The following CSNK1G1 variants were observed in gnomAD, a reference collection of about 807,000 sequenced individuals.
CSNK1G1 encodes the protein casein kinase 1 gamma 1.
CSNK1G1 carries 22 observed loss-of-function variants against 59.6 expected under a neutral mutation model. The ratio of observed to expected loss-of-function variants is 0.37; its 90% CI spans 0.26 to 0.53. The LOEUF is 0.53. Among genes scored for constraint, CSNK1G1 ranks in the 20% least tolerant of loss-of-function variants. The probability of loss-of-function intolerance (pLI) is 0.89; values close to 1 mark genes in which losing one functional copy is unlikely to be tolerated. For synonymous variants in CSNK1G1, 179 were observed against 177.1 expected (o/e 1.01, Z -0.08); for missense variants, 384 against 519.5 (o/e 0.74, Z 2.54).
At chr15:64,194,541 G>T in intron 10 of CSNK1G1, among the ~76,000 whole-genome samples, 1 of 124,502 alleles carries the variant, frequency 8.0e-6, no homozygotes. Context: ...TTTTGAGACA[G>T]AGTTTTGCTC....
chr15:64,271,138 C>CCA (rs1417181703), intron 2 of CSNK1G1, among the ~76,000 whole-genome samples: 5 of 151,964 alleles, frequency 3.3e-5, no homozygotes, highest in African/African-American at 1.2e-4. Flanking sequence ...CAGGCATGTA[C>CCA]CACCACACCT....
At chr15:64,235,314 G>A (rs1238139392) in intron 4 of CSNK1G1, among the ~76,000 whole-genome samples, 1 of 152,280 alleles carries the variant, frequency 6.6e-6, no homozygotes, top group Middle Eastern at 3.4e-3. Flanking sequence ...ATATATAGCT[G>A]CTCTACCTCC....
At chr15:64,280,986 T>A (rs558876269) in intron 2 of CSNK1G1, among the ~76,000 whole-genome samples, 4 of 152,212 alleles carry the variant, frequency 2.6e-5, no homozygotes, top group Admixed American at 2.6e-4. Context: ...TTCACGCCAT[T>A]ATCCTGCCTC....
intron 10 of CSNK1G1, among the ~76,000 whole-genome samples, chr15:64,202,196 C>T (rs1222593103): frequency 2.0e-5 from 3 of 152,130 alleles, no homozygotes; most frequent in African/African-American, 7.2e-5. Context: ...TCTTGACCAG[C>T]TCTATAATTT....
chr15:64,286,894 T>C (rs1367693584), intron 2 of CSNK1G1, among the ~76,000 whole-genome samples: 1 of 152,184 alleles, frequency 6.6e-6, no homozygotes, highest in Non-Finnish European at 1.5e-5. Context: ...ATGTTGGGGA[T>C]GATCCACCAT....
intron 2 of CSNK1G1, among the ~76,000 whole-genome samples, chr15:64,280,897 T>G (rs1339575070): frequency 6.6e-6 from 1 of 152,082 alleles, no homozygotes; most frequent in Non-Finnish European, 1.5e-5. Flanking sequence ...TTCTTTTTTT[T>G]GAGACAGAGT....
At chr15:64,276,333 T>C (rs534409591) in intron 2 of CSNK1G1, among the ~76,000 whole-genome samples, 5 of 152,230 alleles carry the variant, frequency 3.3e-5, no homozygotes, top group Non-Finnish European at 7.3e-5. Context: ...TTTTGTATTT[T>C]TAAAATTTTT....
intron 1 of CSNK1G1, among the ~76,000 whole-genome samples, chr15:64,343,510 T>C (rs1309826158): frequency 6.6e-6 from 1 of 152,098 alleles, no homozygotes; most frequent in East Asian, 1.9e-4. Flanking sequence ...GATTTTTGAT[T>C]AAGTTTTCCC....
At chr15:64,266,990 C>A (rs1400294529) in intron 2 of CSNK1G1, among the ~76,000 whole-genome samples, 2 of 152,160 alleles carry the variant, frequency 1.3e-5, no homozygotes, top group Non-Finnish European at 2.9e-5. Flanking sequence ...GCAAAGCAGG[C>A]TCATGCCTCT....
intron 1 of CSNK1G1, among the ~76,000 whole-genome samples, chr15:64,350,046 T>C (rs1037942256): frequency 6.6e-6 from 1 of 151,958 alleles, no homozygotes; most frequent in African/African-American, 2.4e-5. Context: ...AAAGAGTAAA[T>C]TTAAGTAAGC....
intron 4 of CSNK1G1, among the ~76,000 whole-genome samples, chr15:64,228,370 G>A (rs566714021): frequency 8.7e-4 from 133 of 152,322 alleles, no homozygotes; most frequent in African/African-American, 3.0e-3. Flanking sequence ...ATTCACACCC[G>A]GGCACGGTGG....
chr15:64,196,506 C>T, intron 10 of CSNK1G1, among the ~76,000 whole-genome samples: 1 of 151,428 alleles, frequency 6.6e-6, no homozygotes, highest in African/African-American at 2.4e-5. Context: ...GGCTGGAGTG[C>T]AATGGCACGA....
intron 10 of CSNK1G1, among the ~76,000 whole-genome samples, chr15:64,199,349 A>G (rs2082079481): frequency 6.6e-6 from 1 of 152,054 alleles, no homozygotes; most frequent in South Asian, 2.1e-4. Flanking sequence ...AAATAAGCAT[A>G]GTAGTTAAAT....
At chr15:64,253,574 C>T (rs982151496) in intron 3 of CSNK1G1, among the ~76,000 whole-genome samples, 4 of 152,126 alleles carry the variant, frequency 2.6e-5, no homozygotes, top group African/African-American at 7.2e-5. Flanking sequence ...TGGATAGATG[C>T]TCCAAAGAAG....
chr15:64,251,726 G>T, intron 3 of CSNK1G1, 145 bp from the exon 4 acceptor site: 1 of 595,960 alleles, frequency 1.7e-6, no homozygotes. Flanking sequence ...ACCACAATTG[G>T]TCTTGGACAG....
intron 2 of CSNK1G1, among the ~76,000 whole-genome samples, chr15:64,268,251 T>G (rs1302005176): frequency 6.6e-6 from 1 of 152,104 alleles, no homozygotes; most frequent in African/African-American, 2.4e-5. Flanking sequence ...ATCATCTCAC[T>G]TATATGTGGA....
chr15:64,354,033 C>T (rs540098209), intron 1 of CSNK1G1, among the ~76,000 whole-genome samples: 10 of 150,534 alleles, frequency 6.6e-5, no homozygotes, highest in East Asian at 3.9e-4. Flanking sequence ...AGGCCGGGCA[C>T]GGTGGCTCAC....
At position 64,244,406 on chromosome 15, in the gene CSNK1G1, A is replaced by G. The variant is rs188861528; in HGVS notation, c.292+7106T>C. Among the ~76,000 whole-genome samples, 640 of 151,318 alleles carry G rather than the reference A, an allele frequency of 4.2e-3. 3 individuals carry two copies. The highest frequency in any genetic ancestry group is 7.1e-3 in the Non-Finnish European group (482 of 67,862). On this transcript the variant is annotated intron_variant, in intron 4 of 11. Transcript: ENST00000303052. ...AAAAGAGTGTGGGCCGGGGGGAGAC[A>G]TCCCTTGTTCATAGATTGGAAGAAT...
At chr15:64,205,963 C>T (rs2082173053) in intron 7 of CSNK1G1, among the ~76,000 whole-genome samples, 1 of 152,192 alleles carries the variant, frequency 6.6e-6, no homozygotes, top group Admixed American at 6.5e-5. Context: ...CCCCAAACTA[C>T]TGATTAAGTT....
Sources: gnomAD v4.1 joint callset for allele counts (sites outside exome capture counted in the v4.1 genomes callset) on GRCh38, gnomAD v4.1.1 for gene constraint, MANE v1.5 for transcripts, NCBI Gene and HGNC (gene_info 2026-07-23, HGNC 2026-07-21) for gene names.